TSHZ2: variants seen among roughly 807,000 people sequenced by gnomAD.
The protein encoded by TSHZ2 is teashirt zinc finger homeobox 2, also known as teashirt homolog 2.
Under a neutral mutation model 74.4 loss-of-function variants are expected in TSHZ2, and 21 were observed. That is an observed-to-expected ratio of 0.28 (90% confidence interval 0.20 to 0.41). The LOEUF (loss-of-function observed/expected upper bound fraction) is 0.41. Among genes scored for constraint, TSHZ2 ranks in the 10% least tolerant of loss-of-function variants. The pLI, the probability that TSHZ2 is intolerant of heterozygous loss-of-function variation, is 1.00. For missense variants in TSHZ2, 1,244 were observed against 1,293.5 expected (o/e 0.96, Z 0.59); for synonymous variants, 540 against 515.3 (o/e 1.05, Z -0.65).
intron 1 of TSHZ2, among the ~76,000 whole-genome samples, chr20:53,151,985 CT>C (rs1473145291): frequency 2.6e-5 from 4 of 152,164 alleles, no homozygotes; most frequent in African/African-American, 9.7e-5. Context: ...AGATTCTCTT[CT>C]GTTTAGAACT....
chr20:53,427,395 C>T (rs1983692574), intron 2 of TSHZ2, among the ~76,000 whole-genome samples: 1 of 152,168 alleles, frequency 6.6e-6, no homozygotes, highest in Admixed American at 6.5e-5. Context: ...TTCTCCTACC[C>T]TTCCGGGTTG....
At chr20:53,469,328 G>A (rs770906065) in intron 2 of TSHZ2, among the ~76,000 whole-genome samples, 9 of 151,682 alleles carry the variant, frequency 5.9e-5, no homozygotes, top group Non-Finnish European at 1.2e-4. Flanking sequence ...TGGATCACTT[G>A]AGGTCAGAAG....
At chr20:53,113,524 A>G (rs759732500) in intron 1 of TSHZ2, among the ~76,000 whole-genome samples, 2 of 152,206 alleles carry the variant, frequency 1.3e-5, no homozygotes, top group Non-Finnish European at 2.9e-5. Flanking sequence ...GTGTGTTGGC[A>G]TGTATCTGGC....
At chr20:53,383,886 A>G (rs1034110738) in intron 2 of TSHZ2, among the ~76,000 whole-genome samples, 5 of 152,234 alleles carry the variant, frequency 3.3e-5, no homozygotes, top group Non-Finnish European at 7.3e-5. Flanking sequence ...ACCAGGATAA[A>G]TGATTAACTG....
chr20:53,097,132 C>A (rs1041310329), intron 1 of TSHZ2, among the ~76,000 whole-genome samples: 9 of 152,086 alleles, frequency 5.9e-5, no homozygotes, highest in African/African-American at 2.2e-4. Flanking sequence ...CCAGATATTG[C>A]CAAACATCCC....
At chr20:53,007,009 A>G (rs1000296951) in intron 1 of TSHZ2, among the ~76,000 whole-genome samples, 4 of 152,210 alleles carry the variant, frequency 2.6e-5, no homozygotes, top group African/African-American at 9.6e-5. Flanking sequence ...AAAGCTGATG[A>G]TGCCCTCATG....
chr20:53,349,226 C>T (rs1231733026), intron 2 of TSHZ2, among the ~76,000 whole-genome samples: 1 of 152,218 alleles, frequency 6.6e-6, no homozygotes, highest in Non-Finnish European at 1.5e-5. Flanking sequence ...AATAGTCCTA[C>T]CTCAAAGAGT....
In TSHZ2 at chr20:53,256,243, A is replaced by T; in HGVS notation, c.2785A>T (p.Ser929Cys). The T allele has an allele frequency of 6.2e-7, 1 of 1,614,004 alleles. No homozygotes were observed. The highest frequency in any genetic ancestry group is 8.5e-7 in the Non-Finnish European group (1 of 1,179,908). Residue 929 changes from serine to cysteine, a missense_variant, in exon 2 of 3, where the codon AGT becomes TGT. Coordinates refer to ENST00000371497, the MANE Select transcript of TSHZ2 (RefSeq NM_173485.6). The surrounding 1 kb of genome is among the most constrained non-coding windows in gnomAD (Gnocchi z 4.3). ...CAAAGGCCACCCCATCTTTTATTGC[A>T]GTGACTGTGCCTCCCAGTTCAGAAC... ...MDKGHPIFYCSDCASQFRTPS... is the reference protein window; with the variant it reads ...MDKGHPIFYCCDCASQFRTPS...
At chr20:53,160,063 T>C (rs576240258) in intron 1 of TSHZ2, among the ~76,000 whole-genome samples, 1 of 152,220 alleles carries the variant, frequency 6.6e-6, no homozygotes, top group South Asian at 2.1e-4. Context: ...AGGGTCCACA[T>C]ATGAAAAGGC....
chr20:53,437,128 C>T (rs1056559214), intron 2 of TSHZ2, among the ~76,000 whole-genome samples: 1 of 152,144 alleles, frequency 6.6e-6, no homozygotes, highest in African/African-American at 2.4e-5. Flanking sequence ...TCAATCTGTA[C>T]CTTGATTTAT....
chr20:53,177,297 T>A (rs1988367193), intron 1 of TSHZ2, among the ~76,000 whole-genome samples: 1 of 152,240 alleles, frequency 6.6e-6, no homozygotes, highest in South Asian at 2.1e-4. Context: ...CAATACAGGT[T>A]AAAATTGCCG....
chr20:53,327,242 CCCT>C (rs1979530962), intron 2 of TSHZ2, among the ~76,000 whole-genome samples: 1 of 152,180 alleles, frequency 6.6e-6, no homozygotes, highest in African/African-American at 2.4e-5. Context: ...AAGGAAGATC[CCCT>C]CGTCATCTGG....
chr20:53,426,711 A>G (rs1983669860), intron 2 of TSHZ2, among the ~76,000 whole-genome samples: 1 of 152,226 alleles, frequency 6.6e-6, no homozygotes, highest in African/African-American at 2.4e-5. Context: ...TTAAAGTTCA[A>G]TGATGGATCA....
intron 2 of TSHZ2, among the ~76,000 whole-genome samples, chr20:53,414,154 T>C (rs1205730450): frequency 1.3e-5 from 2 of 151,860 alleles, no homozygotes; most frequent in Admixed American, 6.6e-5. Context: ...TTTAAAAAAT[T>C]TAAAAAGAAT....
rs3222593 is a variant in TSHZ2 at position 53,380,139 on chromosome 20, AGTGTGT to A, written c.*9-106985_*9-106980del. ...TGAGCTTGAAGGTTGATGGTTGGAG[AGTGTGT>A]GTGTGTGTGTGTGTGTGTGCACACG... On this transcript the variant is annotated intron_variant, in intron 2 of 2. Coordinates refer to ENST00000371497, the MANE Select transcript of TSHZ2 (RefSeq NM_173485.6). Among the ~76,000 whole-genome samples the A allele has an allele frequency of 3.8e-4, 57 of 149,520 alleles. No homozygotes were observed. In the Middle Eastern group the frequency reaches 0.01, roughly 28 times the overall value.
At chr20:53,375,273 T>C (rs1044942733) in intron 2 of TSHZ2, among the ~76,000 whole-genome samples, 1 of 152,196 alleles carries the variant, frequency 6.6e-6, no homozygotes, top group Non-Finnish European at 1.5e-5. Flanking sequence ...TTATATCAAG[T>C]CTTATCTGCA....
intron 1 of TSHZ2, among the ~76,000 whole-genome samples, chr20:53,107,081 CT>C (rs1436817162): frequency 6.6e-6 from 1 of 152,160 alleles, no homozygotes; most frequent in Non-Finnish European, 1.5e-5. Flanking sequence ...GCCCAGTTCA[CT>C]GTAGGGTCCT....
intron 2 of TSHZ2, among the ~76,000 whole-genome samples, chr20:53,313,454 T>C (rs1978872187): frequency 6.6e-6 from 1 of 152,232 alleles, no homozygotes; most frequent in African/African-American, 2.4e-5. Flanking sequence ...AGGGATGCCC[T>C]GGGGTCCCTA....
intron 1 of TSHZ2, among the ~76,000 whole-genome samples, chr20:53,126,889 G>A (rs1305427993): frequency 6.6e-6 from 1 of 152,154 alleles, no homozygotes; most frequent in Non-Finnish European, 1.5e-5. Context: ...GGAAGTGAAG[G>A]AAGTGAGAGG....
Sources: allele counts gnomAD v4.1 joint callset (sites outside exome capture counted in the v4.1 genomes callset), GRCh38; gene constraint gnomAD v4.1.1; non-coding constraint Gnocchi (gnomAD v3.1); transcripts MANE v1.5; gene names NCBI Gene and HGNC (gene_info 2026-07-23, HGNC 2026-07-21).